The following PIP4K2A variants were observed in gnomAD, a reference collection of about 807,000 sequenced individuals.
PIP4K2A encodes the protein phosphatidylinositol 5-phosphate 4-kinase type-2 alpha.
Under a neutral mutation model 42.9 loss-of-function variants are expected in PIP4K2A, and 14 were observed. The observed-to-expected ratio is 0.33, with a 90% CI of 0.22 to 0.51. The LOEUF (loss-of-function observed/expected upper bound fraction) is 0.51. Ranked by LOEUF, PIP4K2A falls within the 20% of genes least tolerant of loss-of-function variation. The pLI, the probability that PIP4K2A is intolerant of heterozygous loss-of-function variation, is 0.97. For synonymous variants in PIP4K2A, 192 were observed against 192.2 expected (o/e 1.00, Z 0.01); for missense variants, 434 against 519.8 (o/e 0.83, Z 1.61).
intron 5 of PIP4K2A, among the ~76,000 whole-genome samples, chr10:22,571,921 C>T (rs531257636): frequency 6.6e-6 from 1 of 152,296 alleles, no homozygotes; most frequent in African/African-American, 2.4e-5. Flanking sequence ...AACAATGCTA[C>T]TTGTCTCATT....
chr10:22,644,077 AAAC>A (rs959408899), intron 1 of PIP4K2A, among the ~76,000 whole-genome samples: 1 of 152,110 alleles, frequency 6.6e-6, no homozygotes, highest in Non-Finnish European at 1.5e-5. Flanking sequence ...CCCCAAAACT[AAAC>A]AACACGTAAA....
intron 6 of PIP4K2A, among the ~76,000 whole-genome samples, chr10:22,557,635 A>ACTAT (rs1836585151): frequency 6.6e-6 from 1 of 152,200 alleles, no homozygotes; most frequent in South Asian, 2.1e-4. Flanking sequence ...ATTTTAAAAA[A>ACTAT]CTATCTTTCA....
At chr10:22,674,684 G>A (rs116158192) in intron 1 of PIP4K2A, among the ~76,000 whole-genome samples, 3,309 of 152,118 alleles carry the variant, frequency 0.022, 124 homozygotes, top group African/African-American at 0.075. Context: ...ATTCATGCCT[G>A]TAATCCCAGC....
intron 1 of PIP4K2A, among the ~76,000 whole-genome samples, chr10:22,713,732 C>T (rs922869534): frequency 3.3e-5 from 5 of 152,074 alleles, no homozygotes; most frequent in Non-Finnish European, 7.4e-5. Context: ...ACAGGTACAC[C>T]TGCCCGCAAG....
At chr10:22,604,412 C>G (rs182540191) in intron 3 of PIP4K2A, among the ~76,000 whole-genome samples, 42 of 151,928 alleles carry the variant, frequency 2.8e-4, no homozygotes, top group African/African-American at 1.0e-3. Context: ...GACCATTTAC[C>G]CACTTGGCTG....
chr10:22,598,027 G>T (rs537479111), intron 3 of PIP4K2A, among the ~76,000 whole-genome samples: 1 of 152,326 alleles, frequency 6.6e-6, no homozygotes, highest in African/African-American at 2.4e-5. Context: ...CACACTTGGA[G>T]AGTTATATGG....
intron 1 of PIP4K2A, among the ~76,000 whole-genome samples, chr10:22,655,706 T>A (rs1444167051): frequency 6.6e-6 from 1 of 152,232 alleles, no homozygotes; most frequent in African/African-American, 2.4e-5. Context: ...TTTATTAAAA[T>A]GTAAACATGA....
intron 1 of PIP4K2A, among the ~76,000 whole-genome samples, chr10:22,668,979 C>T (rs1220956784): frequency 2.0e-5 from 3 of 152,146 alleles, no homozygotes; most frequent in African/African-American, 7.2e-5. Flanking sequence ...ATAAAACACT[C>T]CTGGTTTTAA....
At chr10:22,669,458 A>G (rs944173828) in intron 1 of PIP4K2A, among the ~76,000 whole-genome samples, 2 of 152,210 alleles carry the variant, frequency 1.3e-5, no homozygotes, top group African/African-American at 2.4e-5. Flanking sequence ...CTATGCATAA[A>G]TGAAAAAAAC....
chr10:22,708,266 G>A (rs1405983494), intron 1 of PIP4K2A, among the ~76,000 whole-genome samples: 2 of 152,132 alleles, frequency 1.3e-5, no homozygotes, highest in Non-Finnish European at 2.9e-5. Flanking sequence ...TGACTTTCAA[G>A]CACTTGGGAA....
At chr10:22,560,779 G>C (rs1325554095) in intron 6 of PIP4K2A, among the ~76,000 whole-genome samples, 1 of 152,162 alleles carries the variant, frequency 6.6e-6, no homozygotes, top group Non-Finnish European at 1.5e-5. Flanking sequence ...AATCAGACAT[G>C]AGTTTTGAGA....
intron 4 of PIP4K2A, among the ~76,000 whole-genome samples, chr10:22,583,159 A>G (rs1341508362): frequency 6.6e-6 from 1 of 152,244 alleles, no homozygotes; most frequent in Non-Finnish European, 1.5e-5. Context: ...AAAATGAAGT[A>G]ACTTTGTAAA....
At chr10:22,553,105 T>C (rs995817295) in intron 6 of PIP4K2A, among the ~76,000 whole-genome samples, 3 of 152,190 alleles carry the variant, frequency 2.0e-5, no homozygotes, top group Admixed American at 6.5e-5. Context: ...CTAAGCTGAC[T>C]TGTGAATTTC....
In PIP4K2A at chr10:22,541,803, C is replaced by A; in HGVS notation, c.1036+1G>T. 6.5e-7 allele frequency: 1 copy of A among 1,539,598 alleles called. No individual in the cohort carries two copies. The highest frequency in any genetic ancestry group is 8.7e-7 in the Non-Finnish European group (1 of 1,145,274). The stretch of plus-strand genomic sequence containing the variant: ...AAAGGGTCCACAGTAATCAAACTTA[C>A]TTTCATGGCACTTAATTCCATAGAC... On this transcript the variant is annotated splice_donor_variant, in intron 8 of 9. Transcript: ENST00000376573. LOFTEE classifies it high-confidence loss of function.
intron 1 of PIP4K2A, among the ~76,000 whole-genome samples, chr10:22,648,581 G>A (rs1437621489): frequency 6.6e-6 from 1 of 152,090 alleles, no homozygotes; most frequent in Non-Finnish European, 1.5e-5. Flanking sequence ...CTCTGATTTT[G>A]CAGGAGGAGC....
intron 1 of PIP4K2A, among the ~76,000 whole-genome samples, chr10:22,676,756 A>G (rs1458247190): frequency 6.6e-6 from 1 of 152,224 alleles, no homozygotes; most frequent in African/African-American, 2.4e-5. Flanking sequence ...ACAGAGCTGA[A>G]TGAAACAGAA....
At chr10:22,576,217 C>T (rs1056258551) in intron 4 of PIP4K2A, among the ~76,000 whole-genome samples, 8 of 152,114 alleles carry the variant, frequency 5.3e-5, no homozygotes, top group Non-Finnish European at 1.2e-4. Context: ...TGGGGGGAAG[C>T]ACTGGGAAAA....
At chr10:22,658,580 C>G (rs1049404204) in intron 1 of PIP4K2A, among the ~76,000 whole-genome samples, 1 of 152,206 alleles carries the variant, frequency 6.6e-6, no homozygotes, top group Admixed American at 6.5e-5. Context: ...AGAAGCTATT[C>G]TATACCTGCT....
At chr10:22,639,725 C>A (rs1218492227) in intron 1 of PIP4K2A, among the ~76,000 whole-genome samples, 1 of 152,094 alleles carries the variant, frequency 6.6e-6, no homozygotes, top group Admixed American at 6.5e-5. Flanking sequence ...AACTGAATAT[C>A]CTTTTACTGA....
Sources: gnomAD v4.1 joint callset for allele counts (sites outside exome capture counted in the v4.1 genomes callset) on GRCh38, gnomAD v4.1.1 for gene constraint, MANE v1.5 for transcripts, NCBI Gene and HGNC (gene_info 2026-07-23, HGNC 2026-07-21) for gene names.